GAREM1: variants seen among roughly 807,000 people sequenced by gnomAD.
GAREM1 encodes the protein GRB2 associated regulator of MAPK1 subtype 1, also known as GRB2-associated and regulator of MAPK protein 1.
GAREM1 carries 26 observed loss-of-function variants against 71.3 expected under a neutral mutation model. That is an observed-to-expected ratio of 0.36 (90% confidence interval 0.27 to 0.51). The LOEUF is 0.51. GAREM1 is among the 20% of genes least tolerant of loss of function. GAREM1 has a pLI of 0.95. For synonymous variants in GAREM1, 440 were observed against 433.2 expected (o/e 1.02, Z -0.20); for missense variants, 1,026 against 1,103.1 (o/e 0.93, Z 0.99).
At chr18:32,389,815 A>C (rs2048178946) in intron 2 of GAREM1, among the ~76,000 whole-genome samples, 1 of 152,110 alleles carries the variant, frequency 6.6e-6, no homozygotes, top group Admixed American at 6.6e-5. Context: ...AAATATATAC[A>C]CTATAACCTT....
Position 32,315,465 on chromosome 18 carries a change from AATAT to A in GAREM1, c.263-5146_263-5143del, listed in dbSNP as rs985489758. On this transcript the variant is annotated intron_variant, in intron 2 of 5. Transcript: ENST00000269209. The stretch of plus-strand genomic sequence containing the variant: ...AAATATATATAAAAGTATATATATA[AATAT>A]ATATAAAAGTAGATATATATAAAAT... Among the ~76,000 whole-genome samples, 95 of 147,338 alleles carry A rather than the reference AATAT, an allele frequency of 6.4e-4. 1 individual carries two copies. The highest frequency in any genetic ancestry group is 3.6e-3 in the Middle Eastern group (1 of 278).
intron 1 of GAREM1, among the ~76,000 whole-genome samples, chr18:32,403,024 T>A (rs1209853139): frequency 1.3e-5 from 2 of 152,066 alleles, no homozygotes; most frequent in Non-Finnish European, 2.9e-5. Flanking sequence ...TTCAAGTGAT[T>A]CTCGTGCCTC....
chr18:32,392,889 T>C lies in GAREM1; in HGVS notation c.262+6A>G. Reference sequence around the variant, plus strand: ...TGCCTCATCTTGGCCCTTGGAGGAGTCTTACCTGCATAATGTACCGGAATC... The same window carrying C: ...TGCCTCATCTTGGCCCTTGGAGGAGCCTTACCTGCATAATGTACCGGAATC... On this transcript the variant is annotated splice_donor_region_variant and intron_variant, in intron 2 of 5. Transcript: ENST00000269209. The C allele has an allele frequency of 2.5e-6, 4 of 1,612,862 alleles. No homozygotes were observed. The highest frequency in any genetic ancestry group is 1.1e-5 in the South Asian group (1 of 90,936).
chr18:32,441,759 C>T (rs1337191224), intron 1 of GAREM1, among the ~76,000 whole-genome samples: 1 of 152,120 alleles, frequency 6.6e-6, no homozygotes, highest in African/African-American at 2.4e-5. Context: ...TAGAGGCTAA[C>T]CTCCCAACCC....
Position 32,291,335 on chromosome 18 carries a change from C to A in GAREM1, c.394-3132G>T, listed in dbSNP as rs868136379. Among the ~76,000 whole-genome samples, 879 of 115,332 alleles carry A rather than the reference C, an allele frequency of 7.6e-3. 6 individuals carry two copies. The highest frequency in any genetic ancestry group is 0.023 in the African/African-American group (709 of 30,738). The allele number at this position is 115,332 out of a possible 152,430, so 75.7% of individuals were successfully genotyped here. A position where few individuals can be genotyped will look rare whatever the true frequency, so the allele number is the denominator to read the frequency against. On this transcript the variant is annotated intron_variant, in intron 3 of 5. Transcript: ENST00000269209. The stretch of plus-strand genomic sequence containing the variant: ...TTGTTACCAAAAAAAAAAAAAAAAA[C>A]CAAAAACATGCACAAGGAAAAACAG...
At chr18:32,351,571 G>C (rs1348309502) in intron 2 of GAREM1, among the ~76,000 whole-genome samples, 1 of 152,166 alleles carries the variant, frequency 6.6e-6, no homozygotes, top group Non-Finnish European at 1.5e-5. Flanking sequence ...GTTTAACCAA[G>C]AGAAGTATGT....
chr18:32,362,463 G>A (rs552761547), intron 2 of GAREM1, among the ~76,000 whole-genome samples: 5 of 152,090 alleles, frequency 3.3e-5, no homozygotes, highest in African/African-American at 9.6e-5. Flanking sequence ...ATATGTAGCC[G>A]GTCAATAATA....
Position 32,470,339 on chromosome 18 carries a change from G to A in GAREM1, c.90C>T (p.Tyr30=). 5 of 1,567,008 alleles carry A rather than the reference G, an allele frequency of 3.2e-6. No individual in the cohort carries two copies. Among genetic ancestry groups the A allele is most frequent in the East Asian group, 2.5e-5 (1 of 39,288 alleles). ...CCAGGCGCGCGATCTGGGGCAGCCG[G>A]TAAGTGCTGACCAGGAGGTCGAGCG... ...AVPLDLLVST[Y]RLPQIARLDN... Residue 30 remains tyrosine (Y), a synonymous_variant, in exon 1 of 6, where the codon TAC becomes TAT. Coordinates refer to ENST00000269209, the MANE Select transcript of GAREM1 (RefSeq NM_001242409.2). This position sits in a 1 kb window ranked among gnomAD's most constrained non-coding sequence, Gnocchi z 4.4.
chr18:32,267,190 T>C lies in GAREM1; in HGVS notation c.*681A>G, dbSNP rs919728139. Reference sequence around the variant, plus strand: ...GTATTGTGTATGCACCTATACATGTTTATATATGTATATTCTTTTTTCTCT... The same window carrying C: ...GTATTGTGTATGCACCTATACATGTCTATATATGTATATTCTTTTTTCTCT... On this transcript the variant is annotated 3_prime_UTR_variant, in exon 6 of 6. Coordinates refer to ENST00000269209, the MANE Select transcript of GAREM1 (RefSeq NM_001242409.2). 5 of 152,224 alleles carry C rather than the reference T, an allele frequency of 3.3e-5. No individual in the cohort carries two copies. The highest frequency in any genetic ancestry group is 2.6e-4 in the Admixed American group (4 of 15,282). 9.4% of individuals were successfully genotyped at this position (152,224 alleles called of 1,614,324 possible). A position where few individuals can be genotyped will look rare whatever the true frequency, so the allele number is the denominator to read the frequency against.
intron 4 of GAREM1, among the ~76,000 whole-genome samples, chr18:32,282,542 G>T (rs945009069): frequency 1.3e-5 from 2 of 152,170 alleles, no homozygotes; most frequent in Admixed American, 6.5e-5. Context: ...TTGTTTGTTT[G>T]TTTGTTTTTC....
chr18:32,311,128 T>C (rs565975167), intron 2 of GAREM1, among the ~76,000 whole-genome samples: 2 of 152,354 alleles, frequency 1.3e-5, no homozygotes, highest in African/African-American at 4.8e-5. Context: ...ATGTTGTTGT[T>C]TACATTTTCA....
chr18:32,344,808 T>C (rs995032523), intron 2 of GAREM1, among the ~76,000 whole-genome samples: 19 of 152,182 alleles, frequency 1.2e-4, no homozygotes, highest in Non-Finnish European at 2.5e-4. Flanking sequence ...ACGCCTATAA[T>C]CCCAGCACTT....
chr18:32,384,407 TAA>T (rs1209705540), intron 2 of GAREM1, among the ~76,000 whole-genome samples: 1 of 152,232 alleles, frequency 6.6e-6, no homozygotes, highest in Non-Finnish European at 1.5e-5. Flanking sequence ...AAATGCCATA[TAA>T]GAGTTCAACT....
At chr18:32,290,371 T>G (rs1345513934) in intron 3 of GAREM1, 1 of 152,020 alleles carries the variant, frequency 6.6e-6, no homozygotes, top group African/African-American at 2.4e-5. Context: ...ACTGAAGATA[T>G]CTGCAAAACA....
intron 3 of GAREM1, chr18:32,290,133 T>C (rs1278474041): frequency 2.0e-5 from 3 of 151,576 alleles, no homozygotes; most frequent in Non-Finnish European, 2.9e-5. Flanking sequence ...TAAAGTATTA[T>C]ATACTAAGTT....
intron 4 of GAREM1, among the ~76,000 whole-genome samples, chr18:32,281,312 GT>G (rs35148784): frequency 0.41 from 61,841 of 151,794 alleles, 15,407 homozygotes; most frequent in African/African-American, 0.71. Flanking sequence ...AGTTAAATCA[GT>G]TTTTTTTCAA....
Position 32,268,326 on chromosome 18 carries a change from G to T in GAREM1, c.2176C>A (p.Pro726Thr). 6.2e-7 allele frequency: 1 copy of T among 1,614,114 alleles called. No individual in the cohort carries two copies. Residue 726 changes from proline (P) to threonine (T), a missense_variant, in exon 6 of 6, where the codon CCC (proline) becomes ACC (threonine). By Grantham distance (38) the Pro-to-Thr change is conservative. This residue lies in a region of GAREM1 where 636 missense variants were observed against 631.2 expected (regional missense o/e 1.01). Transcript: ENST00000269209. Reference sequence around the variant, plus strand: ...TCCACTAGTTTTGGAGCCCTGGGGGGTAAGGCAGGGCATGACGTACTCTGC... The same window carrying T: ...TCCACTAGTTTTGGAGCCCTGGGGGTTAAGGCAGGGCATGACGTACTCTGC... ...TKQSTSCPAL[P>T]PRAPKLVEEK...
chr18:32,284,340 A>T (rs181467359), intron 4 of GAREM1, among the ~76,000 whole-genome samples: 254 of 152,354 alleles, frequency 1.7e-3, no homozygotes, highest in Non-Finnish European at 2.3e-3. Context: ...TGTCATAAGA[A>T]GTTACAGCTT....
chr18:32,322,778 A>C (rs535428848), intron 2 of GAREM1, among the ~76,000 whole-genome samples: 48 of 152,336 alleles, frequency 3.2e-4, no homozygotes, highest in Non-Finnish European at 6.3e-4. Flanking sequence ...TGACAACTTC[A>C]GCTCAAACGA....
Sources: gnomAD v4.1 joint callset for allele counts (sites outside exome capture counted in the v4.1 genomes callset) on GRCh38, gnomAD v4.1.1 for gene constraint, gnomAD v4.1.1 regional missense constraint, Gnocchi (gnomAD v3.1) non-coding constraint, MANE v1.5 for transcripts, NCBI Gene and HGNC (gene_info 2026-07-23, HGNC 2026-07-21) for gene names.